Variants in KCTD16 observed in about 807,000 individuals in gnomAD.
The protein encoded by KCTD16 is BTB/POZ domain-containing protein KCTD16.
Under a neutral mutation model 33.2 loss-of-function variants are expected in KCTD16, and 13 were observed. The observed-to-expected ratio is 0.39, with a 90% CI of 0.25 to 0.62. The LOEUF (loss-of-function observed/expected upper bound fraction) is 0.62, where lower values mean the gene tolerates loss of function less well. KCTD16 is among the 20% of genes least tolerant of loss of function. The pLI is 0.50. For synonymous variants in KCTD16, 197 were observed against 195.3 expected, an observed-to-expected ratio of 1.01 and a Z score of -0.07; for missense variants, 441 against 525.1, an observed-to-expected ratio of 0.84 and a Z score of 1.57.
rs1206211818 is a variant in KCTD16, at chr5:144,388,267, G to C, written c.833-85393G>C. On this transcript the variant is annotated intron_variant, in intron 3 of 3. Transcript: ENST00000512467. ...GCTATTTTTTTTTGTATTTTTAGTA[G>C]AGACGGGGTTTCACCGTGTTATCCA... Among the ~76,000 whole-genome samples the C allele has an allele frequency of 2.0e-5, 3 of 151,526 alleles. No individual in the cohort carries two copies. The East Asian group carries it at 5.9e-4, about 30-fold the overall frequency.
At position 144,196,850 on chromosome 5, in the gene KCTD16, C is replaced by A. The variant is rs547456624; in HGVS notation, c.-326-9539C>A. ...AGTACCAGCCTGTCATTTTGAGAGA[C>A]CCCTAGGGTAATTGTGAGATGTGCT... On this transcript the variant is annotated intron_variant, in intron 2 of 3. Coordinates refer to ENST00000512467, the MANE Select transcript of KCTD16 (RefSeq NM_020768.4). Among the ~76,000 whole-genome samples, 7 of 152,316 alleles carry A rather than the reference C, an allele frequency of 4.6e-5. No individual in the cohort carries two copies. The South Asian group carries it at 1.4e-3, about 32-fold the overall frequency.
chr5:144,245,783 G>A (rs778208213), intron 3 of KCTD16, among the ~76,000 whole-genome samples: 1 of 152,128 alleles, frequency 6.6e-6, no homozygotes, highest in Non-Finnish European at 1.5e-5. Context: ...CTTTGGCCAC[G>A]TGAAGTGCTG....
chr5:144,376,650 T>C (rs1245009626), intron 3 of KCTD16, among the ~76,000 whole-genome samples: 1 of 152,226 alleles, frequency 6.6e-6, no homozygotes, highest in African/African-American at 2.4e-5. Flanking sequence ...GTCATATTTT[T>C]CCAAGTGAAA....
At chr5:144,245,540 C>T (rs1462960955) in intron 3 of KCTD16, among the ~76,000 whole-genome samples, 2 of 152,042 alleles carry the variant, frequency 1.3e-5, no homozygotes, top group Admixed American at 6.6e-5. Context: ...AAGCAGAGGA[C>T]AAAGAGGAAG....
intron 3 of KCTD16, among the ~76,000 whole-genome samples, chr5:144,464,086 A>C (rs1316237801): frequency 6.6e-6 from 1 of 152,180 alleles, no homozygotes; most frequent in Non-Finnish European, 1.5e-5. Context: ...GAAAAGTGAA[A>C]TGACAGCTCA....
chr5:144,437,031 T>A (rs1035088300), intron 3 of KCTD16, among the ~76,000 whole-genome samples: 1 of 152,200 alleles, frequency 6.6e-6, no homozygotes, highest in Non-Finnish European at 1.5e-5. Flanking sequence ...AGAATGTTAC[T>A]GAAAGGACAT....
At chr5:144,213,479 A>T (rs912952902) in intron 3 of KCTD16, among the ~76,000 whole-genome samples, 13 of 147,432 alleles carry the variant, frequency 8.8e-5, no homozygotes, top group African/African-American at 3.0e-4. Flanking sequence ...TCAAGTTGTC[A>T]TGTTGAATAT....
At chr5:144,388,031 G>A (rs557262198) in intron 3 of KCTD16, among the ~76,000 whole-genome samples, 3 of 145,486 alleles carry the variant, frequency 2.1e-5, no homozygotes, top group South Asian at 4.3e-4. Flanking sequence ...ATTATTAATC[G>A]GGAAAAAAAA....
At position 144,191,787 on chromosome 5, in the gene KCTD16, T is replaced by C. The variant is rs1895147; in HGVS notation, c.-326-14602T>C. Among the ~76,000 whole-genome samples, 539 of 151,916 alleles carry C rather than the reference T, an allele frequency of 3.5e-3. 1 individual carries two copies. The highest frequency in any genetic ancestry group is 6.8e-3 in the Middle Eastern group (2 of 294). On this transcript the variant is annotated intron_variant, in intron 2 of 3. Coordinates refer to ENST00000512467, the MANE Select transcript of KCTD16 (RefSeq NM_020768.4). ...GCATCTCAGGCTAACAGTGAGTGTT[T>C]GCGGCAGTGCTTCTGCATGGAGCTG...
chr5:144,448,575 G>T (rs1286826966), intron 3 of KCTD16, among the ~76,000 whole-genome samples: 7 of 152,010 alleles, frequency 4.6e-5, no homozygotes, highest in Non-Finnish European at 1.0e-4. Flanking sequence ...AATATGCTTG[G>T]CTTGGTTCTG....
At chr5:144,178,155 G>A (rs994351570) in intron 2 of KCTD16, among the ~76,000 whole-genome samples, 2 of 152,120 alleles carry the variant, frequency 1.3e-5, no homozygotes, top group Admixed American at 1.3e-4. Context: ...AAAGTAAGAG[G>A]CCATTATGTT....
chr5:144,374,827 C>A (rs570307771), intron 3 of KCTD16, among the ~76,000 whole-genome samples: 1 of 152,064 alleles, frequency 6.6e-6, no homozygotes, highest in Non-Finnish European at 1.5e-5. Context: ...AACATCTTTT[C>A]TCTGCTGTGT....
chr5:144,471,156 C>T (rs1754461342), intron 3 of KCTD16, among the ~76,000 whole-genome samples: 1 of 152,146 alleles, frequency 6.6e-6, no homozygotes, highest in Non-Finnish European at 1.5e-5. Context: ...GCACTCCAGC[C>T]TGGGCGATAG....
At chr5:144,388,237 G>A (rs1394589009) in intron 3 of KCTD16, among the ~76,000 whole-genome samples, 6 of 150,884 alleles carry the variant, frequency 4.0e-5, no homozygotes, top group East Asian at 1.9e-4. Context: ...CCGCCACCAC[G>A]CCCAGCTATT....
At chr5:144,426,503 A>G (rs1753333221) in intron 3 of KCTD16, among the ~76,000 whole-genome samples, 1 of 152,068 alleles carries the variant, frequency 6.6e-6, no homozygotes, top group Non-Finnish European at 1.5e-5. Flanking sequence ...CCCAGTTCCA[A>G]AGCCATTTCT....
At chr5:144,401,757 C>T (rs1451057333) in intron 3 of KCTD16, among the ~76,000 whole-genome samples, 1 of 152,216 alleles carries the variant, frequency 6.6e-6, no homozygotes, top group Non-Finnish European at 1.5e-5. Context: ...TCTTGCTAAG[C>T]ATTGTAAGTC....
intron 3 of KCTD16, among the ~76,000 whole-genome samples, chr5:144,212,754 C>T (rs1351090088): frequency 6.6e-6 from 1 of 152,174 alleles, no homozygotes. Flanking sequence ...TGGCTTTTCT[C>T]AAGTATTGTG....
At chr5:144,411,126 ACTTAGTGCAATCC>A (rs1752922515) in intron 3 of KCTD16, among the ~76,000 whole-genome samples, 1 of 152,212 alleles carries the variant, frequency 6.6e-6, no homozygotes, top group Non-Finnish European at 1.5e-5. Flanking sequence ...CAATTTACAG[ACTTAGTGCAATCC>A]CTATCAAAAT....
chr5:144,264,360 C>T (rs530092502), intron 3 of KCTD16, among the ~76,000 whole-genome samples: 1 of 152,188 alleles, frequency 6.6e-6, no homozygotes, highest in South Asian at 2.1e-4. Context: ...TTTTGTACTT[C>T]TAGAAATGTA....
Sources: gnomAD v4.1 joint callset for allele counts (sites outside exome capture counted in the v4.1 genomes callset) on GRCh38, gnomAD v4.1.1 for gene constraint, MANE v1.5 for transcripts, NCBI Gene and HGNC (gene_info 2026-07-23, HGNC 2026-07-21) for gene names.